The following LIPI variants were observed in gnomAD, a reference collection of about 807,000 sequenced individuals.
LIPI encodes the protein lipase I, also known as lipase member I.
A neutral mutation model predicts 50.6 loss-of-function variants in LIPI; 59 were observed. The ratio of observed to expected loss-of-function variants is 1.16; its 90% CI spans 0.94 to 1.45. The LOEUF (loss-of-function observed/expected upper bound fraction) is 1.45. Ranked by LOEUF, LIPI falls within the 40% of genes most tolerant of loss-of-function variation. LIPI has a pLI of 0.00. For synonymous variants in LIPI, 203 were observed against 178.2 expected (o/e 1.14, Z -1.11); for missense variants, 586 against 536.3 (o/e 1.09, Z -0.92).
intron 7 of LIPI, among the ~76,000 whole-genome samples, chr21:14,160,322 C>G (rs2018419181): frequency 6.6e-6 from 1 of 150,796 alleles, no homozygotes; most frequent in Non-Finnish European, 1.5e-5. Flanking sequence ...AAAATACAGA[C>G]CCAACACAAA....
chr21:14,206,872 C>T, intron 1 of LIPI: 1 of 1,612,702 alleles, frequency 6.2e-7, no homozygotes, highest in Non-Finnish European at 8.5e-7. Context: ...AACTGAAAAG[C>T]ATGAGCACTA....
intron 9 of LIPI, among the ~76,000 whole-genome samples, chr21:14,142,579 C>G (rs1390177386): frequency 6.6e-6 from 1 of 151,166 alleles, no homozygotes; most frequent in African/African-American, 2.4e-5. Context: ...GACCTCCAGG[C>G]TCAAGTGATT....
chr21:14,192,824 C>G (rs1398245327), intron 1 of LIPI, among the ~76,000 whole-genome samples: 1 of 152,186 alleles, frequency 6.6e-6, no homozygotes, highest in Non-Finnish European at 1.5e-5. Flanking sequence ...CTGGGAATTC[C>G]TTACCTCCAG....
At chr21:14,132,871 C>T (rs1464867248) in intron 9 of LIPI, among the ~76,000 whole-genome samples, 1 of 152,150 alleles carries the variant, frequency 6.6e-6, no homozygotes, top group Non-Finnish European at 1.5e-5. Flanking sequence ...TTATTAACAA[C>T]TATGTGCTCA....
intron 4 of LIPI, among the ~76,000 whole-genome samples, chr21:14,181,494 T>A (rs752134221): frequency 6.6e-6 from 1 of 152,086 alleles, no homozygotes; most frequent in African/African-American, 2.4e-5. Flanking sequence ...GAATGAACTC[T>A]TAGTTATCTA....
intron 7 of LIPI, among the ~76,000 whole-genome samples, chr21:14,159,121 C>A (rs990019694): frequency 6.6e-6 from 1 of 151,382 alleles, no homozygotes; most frequent in Non-Finnish European, 1.5e-5. Context: ...GGAAAACTTG[C>A]CCACTTTTTT....
rs531952228 is a variant in LIPI, at chr21:14,114,342, GC to G, written c.1296-5263del. On this transcript the variant is annotated intron_variant, in intron 9 of 9. Coordinates refer to ENST00000681601, the MANE Select transcript of LIPI (RefSeq NM_001302998.2). ...TCAGACCCACCCAAAATGGCTACAG[GC>G]CTGTTTTGAAGATTATTGTAAGACT... Among the ~76,000 whole-genome samples, 6 of 152,220 alleles carry G rather than the reference GC, an allele frequency of 3.9e-5. No homozygotes were observed. The East Asian group carries it at 9.7e-4, about 24-fold the overall frequency.
chr21:14,109,188 A>T, intron 9 of LIPI, 108 bp from the exon 10 acceptor site: 1 of 845,520 alleles, frequency 1.2e-6, no homozygotes, highest in South Asian at 1.4e-5. Context: ...GTAACTAGCT[A>T]GTTCTCTAAA....
At chr21:14,139,463 T>C (rs2017625242) in intron 9 of LIPI, among the ~76,000 whole-genome samples, 1 of 152,192 alleles carries the variant, frequency 6.6e-6, no homozygotes, top group Non-Finnish European at 1.5e-5. Flanking sequence ...TATTTATTTC[T>C]GCATTTATTC....
chr21:14,189,736 A>G (rs2019600307), intron 1 of LIPI, among the ~76,000 whole-genome samples: 1 of 152,182 alleles, frequency 6.6e-6, no homozygotes, highest in Admixed American at 6.5e-5. Context: ...TACTAATCAA[A>G]GTTGATACAT....
At chr21:14,205,113 T>C (rs432533) in intron 1 of LIPI, among the ~76,000 whole-genome samples, 21,570 of 151,478 alleles carry the variant, frequency 0.14, 1,964 homozygotes, top group South Asian at 0.21. Flanking sequence ...ATTCAAAGAG[T>C]TCATAAATGT....
intron 5 of LIPI, 105 bp downstream of exon 5, chr21:14,166,257 T>C (rs1231173805): frequency 6.5e-6 from 5 of 765,388 alleles, no homozygotes; most frequent in Non-Finnish European, 1.2e-5. Context: ...TGGGCAATGA[T>C]GATGAAATCA....
chr21:14,170,341 G>C (rs369100740), intron 4 of LIPI, among the ~76,000 whole-genome samples: 31 of 152,162 alleles, frequency 2.0e-4, no homozygotes, highest in South Asian at 6.2e-4. Context: ...AGAAAAAGAG[G>C]GAATCCTCCC....
At chr21:14,183,521 C>A (rs560598786) in intron 3 of LIPI, among the ~76,000 whole-genome samples, 25 of 152,072 alleles carry the variant, frequency 1.6e-4, no homozygotes, top group Admixed American at 4.6e-4. Flanking sequence ...AAGAAACTAC[C>A]ATCAGAGTGA....
At chr21:14,124,225 G>A (rs1568835048) in intron 9 of LIPI, among the ~76,000 whole-genome samples, 1 of 152,080 alleles carries the variant, frequency 6.6e-6, no homozygotes. Flanking sequence ...CGATCCCCTG[G>A]GAAGAATATG....
Position 14,144,777 on chromosome 21 carries a change from G to A in LIPI, c.1141C>T (p.Leu381Phe), listed in dbSNP as rs201759081. Residue 381 changes from leucine (L) to phenylalanine (F), a missense_variant, in exon 9 of 10, where the codon CTT becomes TTT. Transcript: ENST00000681601. ...LYEKNKPFYK[L>F]QEVKILAQFY... ...TGAGCAAGAATCTTGACTTCTTGAA[G>A]TTTATAAAATGGTTTGTTCTTTCTA... 16 of 1,576,854 alleles carry A rather than the reference G, an allele frequency of 1.0e-5. No individual in the cohort carries two copies. The African/African-American group carries it at 1.5e-4, about 15-fold the overall frequency.
chr21:14,186,631 C>T (rs1266401109), intron 2 of LIPI, among the ~76,000 whole-genome samples: 1 of 152,180 alleles, frequency 6.6e-6, no homozygotes, highest in African/African-American at 2.4e-5. Context: ...ATGTTTGTGT[C>T]TCCCTAAAAT....
Position 14,134,074 on chromosome 21 carries a change from T to A in LIPI, c.1295+10549A>T, listed in dbSNP as rs570622723. Among the ~76,000 whole-genome samples the A allele has an allele frequency of 6.9e-3, 1,040 of 151,458 alleles. 9 individuals are homozygous for A. Among genetic ancestry groups the A allele is most frequent in the African/African-American group, 0.013 (518 of 41,292 alleles). On this transcript the variant is annotated intron_variant, in intron 9 of 9. Transcript: ENST00000681601. ...CAACCCATTTCTACAAAAATAATTT[T>A]AAAAAAAATAGTCAGGCATGGTGGT...
At chr21:14,138,715 T>TCC (rs1392970761) in intron 9 of LIPI, among the ~76,000 whole-genome samples, 42 of 152,184 alleles carry the variant, frequency 2.8e-4, no homozygotes, top group Non-Finnish European at 5.3e-4. Context: ...ATAATCAATG[T>TCC]ATAAATTACC....
Sources: gnomAD v4.1 joint callset for allele counts (sites outside exome capture counted in the v4.1 genomes callset) on GRCh38, gnomAD v4.1.1 for gene constraint, MANE v1.5 for transcripts, NCBI Gene and HGNC (gene_info 2026-07-23, HGNC 2026-07-21) for gene names.